The following DNAJB13 variants were observed in gnomAD, a reference collection of about 807,000 sequenced individuals.
DNAJB13 encodes dnaJ homolog subfamily B member 13.
DNAJB13 carries 22 observed loss-of-function variants against 35.6 expected under a neutral mutation model. The observed-to-expected ratio is 0.62, with a 90% CI of 0.44 to 0.88. The LOEUF is 0.88. DNAJB13 is among the 40% of genes least tolerant of loss of function. DNAJB13 has a pLI of 0.00. For missense variants in DNAJB13, 370 were observed against 384.3 expected, an observed-to-expected ratio of 0.96 and a Z score of 0.31; for synonymous variants, 136 against 144.2, an observed-to-expected ratio of 0.94 and a Z score of 0.41.
intron 6 of DNAJB13, among the ~76,000 whole-genome samples, chr11:73,968,972 A>C (rs1951204390): frequency 6.6e-6 from 1 of 152,074 alleles, no homozygotes; most frequent in Admixed American, 6.6e-5. Flanking sequence ...CCCACTCCTG[A>C]ATGGTTTAGG....
intron 1 of DNAJB13, among the ~76,000 whole-genome samples, chr11:73,951,838 G>A (rs1411533220): frequency 6.6e-6 from 1 of 152,120 alleles, no homozygotes; most frequent in African/African-American, 2.4e-5. Flanking sequence ...TAGAGATGGG[G>A]TTTCTCCTTT....
chr11:73,952,943 G>C (rs1460270027), intron 1 of DNAJB13, among the ~76,000 whole-genome samples: 1 of 152,178 alleles, frequency 6.6e-6, no homozygotes, highest in African/African-American at 2.4e-5. Flanking sequence ...AGTGATTAAG[G>C]CCTGGCATGG....
rs993712458 is a variant in DNAJB13 at position 73,968,517 on chromosome 11, C to T, written c.720+59C>T. The T allele has an allele frequency of 4.8e-6, 7 of 1,468,280 alleles. No individual in the cohort carries two copies. In the African/African-American group the frequency reaches 5.6e-5, roughly 12 times the overall value. 91.0% of individuals were successfully genotyped at this position (1,468,280 alleles called of 1,614,324 possible). A position where few individuals can be genotyped will look rare whatever the true frequency, so the allele number is the denominator to read the frequency against. On this transcript the variant is annotated intron_variant, in intron 6 of 7. Coordinates refer to ENST00000339764, the MANE Select transcript of DNAJB13 (RefSeq NM_153614.4). Reference sequence around the variant, plus strand: ...AGATCAGAGTGAGCCCTGCCTGCCCCGGCCTAGACTTGGCCTCCCCTCCCA... The same window carrying T: ...AGATCAGAGTGAGCCCTGCCTGCCCTGGCCTAGACTTGGCCTCCCCTCCCA...
At position 73,964,904 on chromosome 11, in the gene DNAJB13, G is replaced by T. The variant is rs756163660; in HGVS notation, c.361G>T (p.Val121Leu). ...SEFFDAEGSE[V>L]DLNFGGLQGR... ...GTTTTTTGATGCAGAAGGAAGTGAG[G>T]TAGATTTGAACTTTGGGGGGCTCCA... Residue 121 changes from valine to leucine, a missense_variant, in exon 4 of 8, where the codon GTA becomes TTA. Transcript: ENST00000339764. The T allele has an allele frequency of 1.9e-6, 3 of 1,613,480 alleles. No homozygotes were observed. In the Admixed American group the frequency reaches 5.0e-5, roughly 27 times the overall value.
intron 3 of DNAJB13, among the ~76,000 whole-genome samples, chr11:73,962,672 T>C (rs77822348): frequency 0.049 from 7,474 of 152,288 alleles, 209 homozygotes; most frequent in Middle Eastern, 0.11. Context: ...CTCCTACACC[T>C]CTTGCCCCTT....
At chr11:73,964,592 G>T (rs375830309) in intron 3 of DNAJB13, 27 of 367,138 alleles carry the variant, frequency 7.4e-5, no homozygotes, top group South Asian at 3.9e-4. Flanking sequence ...GGGCGGGGTG[G>T]GGGGGGAATG....
intron 2 of DNAJB13, among the ~76,000 whole-genome samples, chr11:73,958,699 C>T (rs1306191563): frequency 6.6e-6 from 1 of 152,190 alleles, no homozygotes; most frequent in Non-Finnish European, 1.5e-5. Context: ...CTATGCCCTG[C>T]GGGGACGGGA....
At chr11:73,954,324 T>C (rs825871) in intron 1 of DNAJB13, among the ~76,000 whole-genome samples, 12,400 of 148,530 alleles carry the variant, frequency 0.083, 854 homozygotes, top group African/African-American at 0.19. Flanking sequence ...AGACTTCGTC[T>C]CAAAAAAATA....
At position 73,964,918 on chromosome 11, in the gene DNAJB13, T is replaced by C. The variant is rs1182269507; in HGVS notation, c.375T>C (p.Phe125=). 2 of 1,613,616 alleles carry C rather than the reference T, an allele frequency of 1.2e-6. No homozygotes were observed. Among genetic ancestry groups the C allele is most frequent in the Non-Finnish European group, 1.7e-6 (2 of 1,179,978 alleles). The stretch of plus-strand genomic sequence containing the variant: ...AAGGAAGTGAGGTAGATTTGAACTT[T>C]GGGGGGCTCCAGGGCCGAGGGGTCA... ...DAEGSEVDLN[F]GGLQGRGVKK... The change falls in exon 4 of 8, where the codon TTT becomes TTC. Residue 125 remains phenylalanine (F), a synonymous_variant. Transcript: ENST00000339764.
At position 73,965,184 on chromosome 11, in the gene DNAJB13, G is replaced by A. The variant is rs533709162; in HGVS notation, c.492+149G>A. 103 of 935,372 alleles carry A rather than the reference G, an allele frequency of 1.1e-4. 1 individual carries two copies. In the South Asian group the frequency reaches 1.8e-3, roughly 16 times the overall value. The allele number at this position is 935,372 out of a possible 1,614,324, so 57.9% of individuals were successfully genotyped here. On this transcript the variant is annotated intron_variant, in intron 4 of 7. Coordinates refer to ENST00000339764, the MANE Select transcript of DNAJB13 (RefSeq NM_153614.4). ...CAGAGACCTAGGATGTTAGAATTCC[G>A]GAATCTGAAATTCGGAAGGGACAGT... is the stretch of plus-strand genomic sequence containing the variant.
chr11:73,956,391 G>C (rs747887248), intron 1 of DNAJB13, among the ~76,000 whole-genome samples: 4 of 152,190 alleles, frequency 2.6e-5, no homozygotes, highest in Non-Finnish European at 4.4e-5. Flanking sequence ...AGAGAACAGT[G>C]AGTGAGGCCA....
At chr11:73,969,429 C>T in intron 7 of DNAJB13, 107 bp downstream of exon 7, 1 of 720,794 alleles carries the variant, frequency 1.4e-6, no homozygotes, top group Non-Finnish European at 2.4e-6. Context: ...CTGCCCCCAG[C>T]AGAAGGGTTC....
chr11:73,965,979 C>G, intron 4 of DNAJB13, 159 bp from the exon 5 acceptor site: 1 of 671,236 alleles, frequency 1.5e-6, no homozygotes, highest in Non-Finnish European at 2.6e-6. Flanking sequence ...TTGCTGGAGG[C>G]TCTTCCCATT....
At chr11:73,955,854 G>T (rs1020989931) in intron 1 of DNAJB13, among the ~76,000 whole-genome samples, 12 of 152,134 alleles carry the variant, frequency 7.9e-5, no homozygotes, top group African/African-American at 2.9e-4. Flanking sequence ...AGAAAGGCTG[G>T]TTTGGAAGGC....
At chr11:73,957,740 C>T (rs999877959) in intron 1 of DNAJB13, among the ~76,000 whole-genome samples, 20 of 152,202 alleles carry the variant, frequency 1.3e-4, no homozygotes, top group African/African-American at 4.8e-4. Flanking sequence ...CTCAGCCATG[C>T]CCGCTGCACA....
intron 2 of DNAJB13, among the ~76,000 whole-genome samples, 186 bp downstream of exon 2, chr11:73,958,606 C>T (rs936221620): frequency 2.0e-5 from 3 of 152,198 alleles, no homozygotes; most frequent in Non-Finnish European, 2.9e-5. Flanking sequence ...AGGTGGAGGA[C>T]GTGGGGTGTG....
intron 7 of DNAJB13, 75 bp from the exon 8 acceptor site, chr11:73,969,886 G>A: frequency 1.3e-6 from 2 of 1,517,784 alleles, no homozygotes; most frequent in Non-Finnish European, 1.8e-6. Context: ...ATGTGAGTAG[G>A]GGTTATATGA....
rs202023755 is a variant in DNAJB13, at chr11:73,951,088, T to A, written c.19T>A (p.Ser7Thr). 863 of 1,614,086 alleles carry A rather than the reference T, an allele frequency of 5.3e-4. 7 individuals carry two copies. The South Asian group carries it at 6.2e-3, about 12-fold the overall frequency. Residue 7 changes from serine (S) to threonine (T), a missense_variant, in exon 1 of 8, where the codon TCT (serine) becomes ACT (threonine). Transcript: ENST00000339764. Reference sequence around the variant, plus strand: ...GCCAGCCATGGGCCAGGATTATTACTCTGTGCTCGGGATCACTCGCAATTC... The same window carrying A: ...GCCAGCCATGGGCCAGGATTATTACACTGTGCTCGGGATCACTCGCAATTC... MGQDYY[S>T]VLGITRNSED...
rs139276165 is a variant in DNAJB13, at chr11:73,951,068, C to T, written c.-2C>T. 1 of 1,613,858 alleles carries T rather than the reference C, an allele frequency of 6.2e-7. No homozygotes were observed. The highest frequency in any genetic ancestry group is 1.1e-5 in the South Asian group (1 of 91,050). On this transcript the variant is annotated 5_prime_UTR_variant, in exon 1 of 8. Transcript: ENST00000339764. The stretch of plus-strand genomic sequence containing the variant: ...CAGGGCCTGACTGCCAGCTAGCCAG[C>T]CATGGGCCAGGATTATTACTCTGTG...
Sources: allele counts gnomAD v4.1 joint callset (sites outside exome capture counted in the v4.1 genomes callset), GRCh38; gene constraint gnomAD v4.1.1; transcripts MANE v1.5; gene names NCBI Gene and HGNC (gene_info 2026-07-23, HGNC 2026-07-21).